The following TAFA5 variants were observed in gnomAD, a reference collection of about 807,000 sequenced individuals.
The protein encoded by TAFA5 is chemokine-like protein TAFA-5.
A neutral mutation model predicts 15.3 loss-of-function variants in TAFA5; 6 were observed. The ratio of observed to expected loss-of-function variants is 0.39; its 90% CI spans 0.21 to 0.77. The LOEUF (loss-of-function observed/expected upper bound fraction) is 0.77. Ranked by LOEUF, TAFA5 falls within the 30% of genes least tolerant of loss-of-function variation. The pLI, the probability that TAFA5 is intolerant of heterozygous loss-of-function variation, is 0.41. For missense variants in TAFA5, 161 were observed against 193.1 expected (o/e 0.83, Z 0.98); for synonymous variants, 103 against 80.7 (o/e 1.28, Z -1.48).
At chr22:48,512,376 G>A (rs1381150515) in intron 1 of TAFA5, among the ~76,000 whole-genome samples, 2 of 152,246 alleles carry the variant, frequency 1.3e-5, no homozygotes, top group Non-Finnish European at 2.9e-5. Context: ...GGAGGCGACG[G>A]TGGGCAGATC....
intron 2 of TAFA5, among the ~76,000 whole-genome samples, chr22:48,700,841 GTA>G (rs1928882881): frequency 6.6e-6 from 1 of 152,182 alleles, no homozygotes; most frequent in South Asian, 2.1e-4. Flanking sequence ...GTCTGATCCT[GTA>G]TGGCAAACAA....
chr22:48,660,142 A>G (rs1288946546), intron 2 of TAFA5, among the ~76,000 whole-genome samples: 1 of 152,110 alleles, frequency 6.6e-6, no homozygotes, highest in Non-Finnish European at 1.5e-5. Flanking sequence ...CCCCCCAAAA[A>G]AACCCCAGGC....
intron 1 of TAFA5, among the ~76,000 whole-genome samples, chr22:48,634,420 C>CTCAT (rs968231359): frequency 1.3e-5 from 2 of 151,986 alleles, no homozygotes; most frequent in Non-Finnish European, 2.9e-5. Flanking sequence ...CACTCCTTTA[C>CTCAT]TCATTCACTC....
intron 1 of TAFA5, among the ~76,000 whole-genome samples, chr22:48,534,874 G>C (rs921603538): frequency 6.6e-5 from 10 of 152,170 alleles, no homozygotes; most frequent in African/African-American, 1.9e-4. Context: ...GTGGAGGGAT[G>C]GAGGTCGGTG....
At chr22:48,724,789 G>T (rs1361459467) in intron 3 of TAFA5, among the ~76,000 whole-genome samples, 2 of 152,210 alleles carry the variant, frequency 1.3e-5, no homozygotes, top group South Asian at 4.1e-4. Context: ...GTGATCAGAG[G>T]GTTCACAGGC....
intron 1 of TAFA5, among the ~76,000 whole-genome samples, chr22:48,643,630 G>A (rs555868494): frequency 2.0e-5 from 3 of 152,350 alleles, no homozygotes; most frequent in Non-Finnish European, 4.4e-5. Context: ...GTGCTGTGTG[G>A]TTGGCGGCTT....
At chr22:48,519,607 G>A (rs1391295380) in intron 1 of TAFA5, among the ~76,000 whole-genome samples, 5 of 152,202 alleles carry the variant, frequency 3.3e-5, no homozygotes, top group African/African-American at 4.8e-5. Context: ...GGTGGGAGGC[G>A]GGGACAGGCG....
chr22:48,648,760 G>A (rs1019437702), intron 2 of TAFA5, among the ~76,000 whole-genome samples: 4 of 152,250 alleles, frequency 2.6e-5, no homozygotes, highest in South Asian at 4.1e-4. Context: ...CCCGGGAGGC[G>A]GAGGTTGCAG....
intron 1 of TAFA5, among the ~76,000 whole-genome samples, chr22:48,495,320 G>A (rs1249744502): frequency 6.6e-6 from 1 of 152,216 alleles, no homozygotes; most frequent in Non-Finnish European, 1.5e-5. Context: ...GGCAGAGATG[G>A]TCACTCTCCT....
At chr22:48,565,356 T>C (rs1378124719) in intron 1 of TAFA5, among the ~76,000 whole-genome samples, 1 of 152,228 alleles carries the variant, frequency 6.6e-6, no homozygotes, top group East Asian at 1.9e-4. Flanking sequence ...ATCCAGGCCC[T>C]CTGGCTTAAT....
chr22:48,598,465 C>A lies in TAFA5; in HGVS notation c.113-48132C>A, dbSNP rs1017864204. Among the ~76,000 whole-genome samples, 2 of 152,084 alleles carry A rather than the reference C, an allele frequency of 1.3e-5. No individual in the cohort carries two copies. The highest frequency in any genetic ancestry group is 1.3e-4 in the Admixed American group (2 of 15,274). On this transcript the variant is annotated intron_variant, in intron 1 of 3. Coordinates refer to ENST00000402357, the MANE Select transcript of TAFA5 (RefSeq NM_001082967.3). The surrounding 1 kb of genome is among the most constrained non-coding windows in gnomAD (Gnocchi z 4.0). ...TGGCGTGGGGCTGAGGGAGACCACA[C>A]AGGAAGGGACGTCTCCTCCTGGTGC...
rs778787397 is a variant in TAFA5 at position 48,620,075 on chromosome 22, C to T, written c.113-26522C>T. ...AGCCTGAGTCCAGGGTGGAGGATGG[C>T]GGCGTCGAGGAAGGACCCGGGGCCC... On this transcript the variant is annotated intron_variant, in intron 1 of 3. Coordinates refer to ENST00000402357, the MANE Select transcript of TAFA5 (RefSeq NM_001082967.3). Among the ~76,000 whole-genome samples, 8 of 152,184 alleles carry T rather than the reference C, an allele frequency of 5.3e-5. No individual in the cohort carries two copies. In the South Asian group the frequency reaches 6.2e-4, roughly 12 times the overall value.
chr22:48,638,711 GCA>G (rs1339882860), intron 1 of TAFA5, among the ~76,000 whole-genome samples: 7 of 124,494 alleles, frequency 5.6e-5, no homozygotes, highest in Admixed American at 4.4e-4. Flanking sequence ...CTGGGACACT[GCA>G]CACAGGGGGG....
At chr22:48,555,228 T>C (rs1922992460) in intron 1 of TAFA5, among the ~76,000 whole-genome samples, 1 of 152,188 alleles carries the variant, frequency 6.6e-6, no homozygotes, top group African/African-American at 2.4e-5. Context: ...GAATGGATAC[T>C]GGCTGGTGGC....
intron 1 of TAFA5, among the ~76,000 whole-genome samples, chr22:48,582,296 A>G (rs998025330): frequency 6.6e-5 from 10 of 151,990 alleles, no homozygotes; most frequent in African/African-American, 2.4e-4. Context: ...TGCACACCAC[A>G]TACACACCCC....
chr22:48,511,585 T>C (rs1921213157), intron 1 of TAFA5, among the ~76,000 whole-genome samples: 2 of 152,138 alleles, frequency 1.3e-5, no homozygotes, highest in East Asian at 3.9e-4. Context: ...CAAAACTCTG[T>C]GTTTTCTCCA....
intron 2 of TAFA5, among the ~76,000 whole-genome samples, chr22:48,663,721 G>A (rs553329984): frequency 7.9e-5 from 12 of 152,256 alleles, no homozygotes; most frequent in African/African-American, 2.2e-4. Flanking sequence ...TGTCCCATCC[G>A]GTCCATGAAC....
chr22:48,650,820 G>A (rs1266831767), intron 2 of TAFA5, among the ~76,000 whole-genome samples: 2 of 141,822 alleles, frequency 1.4e-5, no homozygotes, highest in African/African-American at 5.1e-5. Context: ...CCCCAGGGCT[G>A]CCCTCTGAGG....
intron 1 of TAFA5, among the ~76,000 whole-genome samples, chr22:48,621,952 G>A (rs1388122450): frequency 6.6e-6 from 1 of 152,158 alleles, no homozygotes; most frequent in African/African-American, 2.4e-5. Context: ...TGTTTTCCTA[G>A]ATGAGGAGTT....
Sources: allele counts gnomAD v4.1 joint callset (sites outside exome capture counted in the v4.1 genomes callset), GRCh38; gene constraint gnomAD v4.1.1; non-coding constraint Gnocchi (gnomAD v3.1); transcripts MANE v1.5; gene names NCBI Gene and HGNC (gene_info 2026-07-23, HGNC 2026-07-21).